Variants in CSF1R observed in about 807,000 individuals in gnomAD.
CSF1R encodes the protein macrophage colony-stimulating factor 1 receptor.
Under a neutral mutation model 110.0 loss-of-function variants are expected in CSF1R, and 40 were observed. The observed-to-expected ratio is 0.36, with a 90% CI of 0.28 to 0.47. The LOEUF is 0.47. CSF1R is among the 20% of genes least tolerant of loss of function. CSF1R has a pLI of 0.99. For synonymous variants in CSF1R, 523 were observed against 503.4 expected, an observed-to-expected ratio of 1.04 and a Z score of -0.52; for missense variants, 1,052 against 1,253.0, an observed-to-expected ratio of 0.84 and a Z score of 2.42.
chr5:150,055,998 T>G, intron 18 of CSF1R, 28 bp downstream of exon 18: 1 of 1,593,876 alleles, frequency 6.3e-7, no homozygotes, highest in South Asian at 1.1e-5. Context: ...AGCCCCAGGC[T>G]CTGCCTGGAG....
chr5:150,078,506 C>T (rs975622175), intron 3 of CSF1R, among the ~76,000 whole-genome samples: 1 of 152,138 alleles, frequency 6.6e-6, no homozygotes, highest in Admixed American at 6.5e-5. Context: ...GACTTCTGCA[C>T]CAGCCTCCTC....
chr5:150,068,734 T>C (rs1455259347), intron 9 of CSF1R, among the ~76,000 whole-genome samples: 2 of 152,164 alleles, frequency 1.3e-5, no homozygotes, highest in East Asian at 3.9e-4. Context: ...CACTGCAACC[T>C]TCCTCTCCTG....
chr5:150,098,534 C>G (rs754768888), intron 1 of CSF1R: 3 of 152,228 alleles, frequency 2.0e-5, no homozygotes, highest in Admixed American at 6.5e-5. Context: ...TGGACTTCAT[C>G]AACATTTAAA....
In CSF1R at chr5:150,077,415, A is replaced by G. The variant is rs2113824850; in HGVS notation, c.750T>C (p.Ser250=). ...TTTGGTAACGGTTATTATGAAAGTC[A>G]GATTGTTGAGGGATTGCGAGCTGCA... ...NNTKLAIPQQ[S]DFHNNRYQKV... Residue 250 remains serine (S), a synonymous_variant, in exon 5 of 21, where the codon TCT becomes TCC. Transcript: ENST00000675795. The G allele has an allele frequency of 6.2e-7, 1 of 1,612,804 alleles. No individual in the cohort carries two copies. The highest frequency in any genetic ancestry group is 8.5e-7 in the Non-Finnish European group (1 of 1,178,790).
intron 1 of CSF1R, 73 bp downstream of exon 1, chr5:150,086,306 G>A: frequency 6.8e-7 from 1 of 1,461,070 alleles, no homozygotes; most frequent in Non-Finnish European, 9.4e-7. Flanking sequence ...TGAGGGGCAA[G>A]GACTGAATCC....
At position 150,083,349 on chromosome 5, in the gene CSF1R, A is replaced by AACACACACAC. The variant is rs59055324; in HGVS notation, c.50-2335_50-2326dup. Among the ~76,000 whole-genome samples, 665 of 106,356 alleles carry AACACACACAC rather than the reference A, an allele frequency of 6.3e-3. 8 individuals are homozygous for AACACACACAC. Among genetic ancestry groups the AACACACACAC allele is most frequent in the African/African-American group, 0.013 (359 of 26,976 alleles). 69.8% of individuals were successfully genotyped at this position (106,356 alleles called of 152,430 possible). A position where few individuals can be genotyped will look rare whatever the true frequency, so the allele number is the denominator to read the frequency against. ...GCCCCAATCTCTACTCTTCTCTCCCAACACACACACACACACACACACACA... is the reference window on the plus strand; with the variant it reads ...GCCCCAATCTCTACTCTTCTCTCCCAACACACACACACACACACACACACACACACACACA... On this transcript the variant is annotated intron_variant, in intron 1 of 20. Coordinates refer to ENST00000675795, the MANE Select transcript of CSF1R (RefSeq NM_001288705.3).
intron 8 of CSF1R, 36 bp downstream of exon 8, chr5:150,070,146 G>C (rs1757970121): frequency 2.5e-6 from 4 of 1,610,456 alleles, no homozygotes; most frequent in Non-Finnish European, 3.4e-6. Flanking sequence ...CCCAGCCCCT[G>C]AGCCCAGGTG....
chr5:150,093,986 C>T (rs1759130803), intron 1 of CSF1R, among the ~76,000 whole-genome samples: 1 of 151,548 alleles, frequency 6.6e-6, no homozygotes, highest in Admixed American at 6.6e-5. Context: ...GTGCTTAAAC[C>T]TGGGAGGCAG....
chr5:150,084,383 GAAA>G, intron 1 of CSF1R, among the ~76,000 whole-genome samples: 1 of 47,820 alleles, frequency 2.1e-5, no homozygotes, highest in Non-Finnish European at 4.0e-5. Context: ...AAGAAAGAAA[GAAA>G]GAAAGAAGGA....
chr5:150,054,489 C>T, intron 19 of CSF1R, 59 bp from the exon 20 acceptor site: 1 of 1,441,510 alleles, frequency 6.9e-7, no homozygotes, highest in Non-Finnish European at 9.5e-7. Flanking sequence ...GGGCCATTAA[C>T]ACACACCCCT....
chr5:150,105,695 A>G (rs1034215617), intron 1 of CSF1R, among the ~76,000 whole-genome samples: 38 of 151,456 alleles, frequency 2.5e-4, no homozygotes, highest in African/African-American at 8.5e-4. Flanking sequence ...CTAATTTTCT[A>G]TTTCTTTTTG....
At chr5:150,087,361 T>A (rs192539943), upstream of CSF1R, among the ~76,000 whole-genome samples, 209 of 152,360 alleles carry the variant, frequency 1.4e-3, no homozygotes, top group Middle Eastern at 3.4e-3. Context: ...TAGCCAAACC[T>A]TTTACATTCA....
intron 1 of CSF1R, among the ~76,000 whole-genome samples, chr5:150,100,933 T>A (rs1238881244): frequency 6.6e-6 from 1 of 152,220 alleles, no homozygotes; most frequent in Admixed American, 6.5e-5. Flanking sequence ...GGTTACATGG[T>A]GGCAAATGCC....
rs1205888980 is a variant in CSF1R at position 150,080,632 on chromosome 5, C to T, written c.307+135G>A. On this transcript the variant is annotated intron_variant, in intron 2 of 20. Coordinates refer to ENST00000675795, the MANE Select transcript of CSF1R (RefSeq NM_001288705.3). ...TGTTGTGAGGACTGCATTACATTAG[C>T]AGCTCTTCCAGGTCCTTGCTCATAG... The T allele has an allele frequency of 7.0e-6, 8 of 1,141,132 alleles. No homozygotes were observed. In the African/African-American group the frequency reaches 9.3e-5, roughly 13 times the overall value. 70.7% of individuals were successfully genotyped at this position (1,141,132 alleles called of 1,614,324 possible).
intron 10 of CSF1R, among the ~76,000 whole-genome samples, chr5:150,062,977 C>T (rs1272796963): frequency 6.6e-6 from 1 of 151,896 alleles, no homozygotes; most frequent in Non-Finnish European, 1.5e-5. Context: ...ATTCCAGAAA[C>T]AGGAAGGCCT....
At chr5:150,090,733 A>G (rs563979389), upstream of CSF1R, among the ~76,000 whole-genome samples, 5 of 152,336 alleles carry the variant, frequency 3.3e-5, no homozygotes, top group African/African-American at 1.2e-4. Context: ...GGCAAATTCA[A>G]ATATTGCATG....
At chr5:150,100,328 T>G (rs1260397573) in intron 1 of CSF1R, among the ~76,000 whole-genome samples, 1 of 122,084 alleles carries the variant, frequency 8.2e-6, no homozygotes, top group Non-Finnish European at 1.7e-5. Flanking sequence ...GACGGAGTCT[T>G]GCTCTGTCAC....
chr5:150,054,323 C>T lies in CSF1R; in HGVS notation c.2762G>A (p.Arg921Gln), dbSNP rs56059682. Reference sequence around the variant, plus strand: ...CACCCCAAGCCTCACCCCACTCACCCGCTCTCTCCTGTCCTCTTGGGCCTG... The same window carrying T: ...CACCCCAAGCCTCACCCCACTCACCTGCTCTCTCCTGTCCTCTTGGGCCTG... ...QEQAQEDRRE[R>Q]DYTNLPSSSR... is the part of the protein sequence containing the mutation. Residue 921 changes from arginine to glutamine, a missense_variant and splice_region_variant, in exon 20 of 21, where the codon CGG becomes CAG. By Grantham distance (43) the Arg-to-Gln change is conservative. Coordinates refer to ENST00000675795, the MANE Select transcript of CSF1R (RefSeq NM_001288705.3). 91 of 1,614,172 alleles carry T rather than the reference C, an allele frequency of 5.6e-5. No individual in the cohort carries two copies. The East Asian group carries it at 8.5e-4, about 15-fold the overall frequency.
intron 1 of CSF1R, among the ~76,000 whole-genome samples, chr5:150,082,349 C>T (rs6870146): frequency 6.6e-6 from 1 of 152,168 alleles, no homozygotes; most frequent in East Asian, 1.9e-4. Context: ...GGAAAGGTTT[C>T]CTCTCTCAAG....
Sources: gnomAD v4.1 joint callset for allele counts (sites outside exome capture counted in the v4.1 genomes callset) on GRCh38, gnomAD v4.1.1 for gene constraint, MANE v1.5 for transcripts, NCBI Gene and HGNC (gene_info 2026-07-23, HGNC 2026-07-21) for gene names.